The following KCTD8 variants were observed in gnomAD, a reference collection of about 807,000 sequenced individuals.
KCTD8 encodes the protein potassium channel tetramerization domain containing 8.
KCTD8 carries 27 observed loss-of-function variants against 31.5 expected under a neutral mutation model. The ratio of observed to expected loss-of-function variants is 0.86; its 90% CI spans 0.63 to 1.18. The LOEUF is 1.18. Among genes scored for constraint, KCTD8 ranks in the 50% most tolerant of loss-of-function variants. KCTD8 has a pLI of 0.00. For missense variants in KCTD8, 658 were observed against 647.7 expected, an observed-to-expected ratio of 1.02 and a Z score of -0.17; for synonymous variants, 290 against 280.0, an observed-to-expected ratio of 1.04 and a Z score of -0.36.
intron 1 of KCTD8, among the ~76,000 whole-genome samples, chr4:44,408,084 T>A (rs2109461533): frequency 6.6e-6 from 1 of 152,300 alleles, no homozygotes; most frequent in Admixed American, 6.5e-5. Flanking sequence ...TTTAGGCAAC[T>A]TTGAGATAAA....
chr4:44,374,744 A>G (rs1428263373), intron 1 of KCTD8, among the ~76,000 whole-genome samples: 1 of 152,020 alleles, frequency 6.6e-6, no homozygotes, highest in African/African-American at 2.4e-5. Flanking sequence ...GAACACATAT[A>G]ACATTAATCA....
chr4:44,187,126 A>G (rs939680123), intron 1 of KCTD8, among the ~76,000 whole-genome samples: 2 of 152,164 alleles, frequency 1.3e-5, no homozygotes, highest in Non-Finnish European at 2.9e-5. Flanking sequence ...CAAAGTTCCT[A>G]CCTTATCCCT....
At chr4:44,344,149 G>C (rs760935776) in intron 1 of KCTD8, among the ~76,000 whole-genome samples, 3 of 151,772 alleles carry the variant, frequency 2.0e-5, no homozygotes, top group Non-Finnish European at 4.4e-5. Flanking sequence ...GAGCCACCAC[G>C]CCTAGCCCAC....
intron 1 of KCTD8, among the ~76,000 whole-genome samples, chr4:44,439,322 A>C (rs2109483034): frequency 6.6e-6 from 1 of 152,322 alleles, no homozygotes; most frequent in East Asian, 1.9e-4. Flanking sequence ...TTATTATATT[A>C]GTTTCTTCCA....
At chr4:44,302,342 AC>A in intron 1 of KCTD8, among the ~76,000 whole-genome samples, 2 of 152,210 alleles carry the variant, frequency 1.3e-5, no homozygotes, top group South Asian at 4.1e-4. Context: ...GATTCTTCCT[AC>A]CCATGAGCAT....
chr4:44,183,422 A>G (rs1057188792), intron 1 of KCTD8, among the ~76,000 whole-genome samples: 1 of 148,054 alleles, frequency 6.8e-6, no homozygotes, highest in Non-Finnish European at 1.5e-5. Context: ...AATTAAGAGC[A>G]GTAGTAAAAA....
intron 1 of KCTD8, among the ~76,000 whole-genome samples, chr4:44,313,640 T>C (rs1718019002): frequency 6.6e-6 from 1 of 152,180 alleles, no homozygotes; most frequent in African/African-American, 2.4e-5. Context: ...AAATGACATA[T>C]ATCATTCACT....
chr4:44,313,106 T>C (rs1718002223), intron 1 of KCTD8, among the ~76,000 whole-genome samples: 1 of 152,156 alleles, frequency 6.6e-6, no homozygotes, highest in Non-Finnish European at 1.5e-5. Context: ...TGCCCTGCTG[T>C]GCCCAGAGAA....
At chr4:44,306,009 T>A (rs1047389069) in intron 1 of KCTD8, among the ~76,000 whole-genome samples, 8 of 151,962 alleles carry the variant, frequency 5.3e-5, no homozygotes, top group African/African-American at 1.9e-4. Context: ...TACTTAAAGT[T>A]CAATAATAAT....
intron 1 of KCTD8, among the ~76,000 whole-genome samples, chr4:44,186,937 A>G (rs1713607562): frequency 6.6e-6 from 1 of 151,816 alleles, no homozygotes; most frequent in African/African-American, 2.4e-5. Context: ...TTTTTGTTTT[A>G]TTTTATTTTG....
intron 1 of KCTD8, among the ~76,000 whole-genome samples, chr4:44,439,994 G>C (rs1721778929): frequency 6.6e-6 from 1 of 150,996 alleles, no homozygotes; most frequent in Non-Finnish European, 1.5e-5. Flanking sequence ...TGCAACGGTG[G>C]GATCTCGGCT....
intron 1 of KCTD8, among the ~76,000 whole-genome samples, chr4:44,259,313 T>C (rs566759388): frequency 1.3e-5 from 2 of 152,008 alleles, no homozygotes; most frequent in Non-Finnish European, 1.5e-5. Flanking sequence ...GAGGAAATAA[T>C]TTATCCTTCA....
intron 1 of KCTD8, among the ~76,000 whole-genome samples, chr4:44,193,327 C>T (rs968899878): frequency 1.3e-5 from 2 of 152,008 alleles, no homozygotes; most frequent in African/African-American, 2.4e-5. Context: ...GGTTTAGAGA[C>T]GTTATGAAAC....
intron 1 of KCTD8, among the ~76,000 whole-genome samples, chr4:44,266,756 A>G (rs1445060860): frequency 2.6e-5 from 4 of 152,292 alleles, no homozygotes; most frequent in Non-Finnish European, 4.4e-5. Flanking sequence ...AGTCTCTGAT[A>G]AAACAGGCTT....
chr4:44,281,913 T>C (rs948113615), intron 1 of KCTD8, among the ~76,000 whole-genome samples: 14 of 152,128 alleles, frequency 9.2e-5, no homozygotes, highest in Admixed American at 9.2e-4. Context: ...TTTCTAGTTC[T>C]AGGACTCTAT....
chr4:44,234,183 A>G (rs78529998), intron 1 of KCTD8, among the ~76,000 whole-genome samples: 5,423 of 152,282 alleles, frequency 0.036, 156 homozygotes, highest in Non-Finnish European at 0.047. Flanking sequence ...GAGGTGGGGC[A>G]ATTGAGATAC....
intron 1 of KCTD8, among the ~76,000 whole-genome samples, chr4:44,218,499 C>T (rs946606262): frequency 2.0e-5 from 3 of 150,682 alleles, no homozygotes; most frequent in Non-Finnish European, 2.9e-5. Context: ...AGATGGATAC[C>T]CCATACTCCG....
intron 1 of KCTD8, among the ~76,000 whole-genome samples, chr4:44,257,177 G>C (rs1716015081): frequency 6.6e-6 from 1 of 151,872 alleles, no homozygotes; most frequent in African/African-American, 2.4e-5. Context: ...ATATGAAAAT[G>C]TTCACTTTGT....
At chr4:44,233,396 T>C (rs1445936368) in intron 1 of KCTD8, among the ~76,000 whole-genome samples, 4 of 152,192 alleles carry the variant, frequency 2.6e-5, no homozygotes, top group Non-Finnish European at 4.4e-5. Context: ...ATACAATTTG[T>C]TCATTTTTAA....
Sources: gnomAD v4.1 joint callset for allele counts (sites outside exome capture counted in the v4.1 genomes callset) on GRCh38, gnomAD v4.1.1 for gene constraint, MANE v1.5 for transcripts, NCBI Gene and HGNC (gene_info 2026-07-23, HGNC 2026-07-21) for gene names.